The following ITPR1 variants were observed in gnomAD, a reference collection of about 807,000 sequenced individuals.
ITPR1 encodes the protein inositol 1,4,5-trisphosphate-gated calcium channel ITPR1.
Under a neutral mutation model 318.4 loss-of-function variants are expected in ITPR1, and 96 were observed. The observed-to-expected ratio is 0.30, with a 90% CI of 0.26 to 0.36. ITPR1 has a LOEUF of 0.36. Ranked by LOEUF, ITPR1 falls within the 10% of genes least tolerant of loss-of-function variation. ITPR1 has a pLI of 1.00. For synonymous variants in ITPR1, 1,312 were observed against 1,289.9 expected, an observed-to-expected ratio of 1.02 and a Z score of -0.37; for missense variants, 2,440 against 3,460.2, an observed-to-expected ratio of 0.71 and a Z score of 7.40.
intron 4 of ITPR1, among the ~76,000 whole-genome samples, chr3:4,583,867 T>G (rs963849704): frequency 7.9e-5 from 12 of 152,206 alleles, no homozygotes; most frequent in African/African-American, 2.4e-4. Context: ...ACTAATGAGA[T>G]GTTTACACAT....
Position 4,667,357 on chromosome 3 carries a change from T to G in ITPR1, c.1714-20T>G, listed in dbSNP as rs762348570. 7 of 1,575,716 alleles carry G rather than the reference T, an allele frequency of 4.4e-6. No individual in the cohort carries two copies. The African/African-American group carries it at 9.5e-5, about 21-fold the overall frequency. On this transcript the variant is annotated intron_variant, in intron 17 of 61. Coordinates refer to ENST00000649015, the MANE Select transcript of ITPR1 (RefSeq NM_001378452.1). ...GTCATTTATCCTTCCTACTGACGTC[T>G]CTTTTCTCTCCTTATAAAGGAGTAT...
At position 4,667,559 on chromosome 3, in the gene ITPR1, G is replaced by A. The variant is rs2093977045; in HGVS notation, c.1886+10G>A. ...AGAACAGGGAGCCCAGGTGAGGCGG[G>A]AGTGGGGTCCATGCAGGATGGTGTC... On this transcript the variant is annotated intron_variant, in intron 18 of 61. Coordinates refer to ENST00000649015, the MANE Select transcript of ITPR1 (RefSeq NM_001378452.1). 2 of 1,610,694 alleles carry A rather than the reference G, an allele frequency of 1.2e-6. No homozygotes were observed. Among genetic ancestry groups the A allele is most frequent in the African/African-American group, 1.3e-5 (1 of 74,852 alleles).
intron 5 of ITPR1, among the ~76,000 whole-genome samples, chr3:4,636,634 T>G (rs1464310105): frequency 2.0e-5 from 3 of 152,062 alleles, no homozygotes; most frequent in East Asian, 1.9e-4. Flanking sequence ...TCACCATGTT[T>G]GCCAGACTGG....
At chr3:4,688,661 G>A in intron 31 of ITPR1, 41 bp downstream of exon 31, 1 of 1,589,580 alleles carries the variant, frequency 6.3e-7, no homozygotes. Context: ...AGAGGGAGGA[G>A]GGCAGGGAAG....
At position 4,795,106 on chromosome 3, in the gene ITPR1, T is replaced by G; in HGVS notation, c.6850T>G (p.Trp2284Gly). 1 of 1,613,910 alleles carries G rather than the reference T, an allele frequency of 6.2e-7. No individual in the cohort carries two copies. The highest frequency in any genetic ancestry group is 8.5e-7 in the Non-Finnish European group (1 of 1,179,834). The change falls in exon 53 of 62, where the codon TGG becomes GGG. Residue 2284 changes from tryptophan to glycine, a missense_variant. Physicochemically the swap from Trp to Gly is radical, Grantham distance 184 (BLOSUM62 -2). Transcript: ENST00000649015. ...CTGGTGTGCCCGCAACATGTCTTTC[T>G]GGAGCAGCATTTCGTTTAACCTGGC... Reference protein sequence around the residue: ...LYWCARNMSFWSSISFNLAVL... With the variant: ...LYWCARNMSFGSSISFNLAVL...
intron 2 of ITPR1, among the ~76,000 whole-genome samples, chr3:4,505,808 A>G (rs1272945378): frequency 6.6e-6 from 1 of 152,158 alleles, no homozygotes; most frequent in Non-Finnish European, 1.5e-5. Context: ...TTTATTAGGA[A>G]TAGTGGGGAA....
In ITPR1 at chr3:4,814,531, T is replaced by C. The variant is rs1315666057; in HGVS notation, c.7670T>C (p.Val2557Ala). ...LSHGLRSGGG[V>A]GDVLRKPSKE... The stretch of plus-strand genomic sequence containing the variant: ...CACGGGCTGCGGAGCGGGGGTGGAG[T>C]AGGAGATGTACTCAGGAAGCCGTCC... Residue 2557 changes from valine (V) to alanine (A), a missense_variant, in exon 58 of 62, where the codon GTA becomes GCA. Coordinates refer to ENST00000649015, the MANE Select transcript of ITPR1 (RefSeq NM_001378452.1). 1 of 1,598,614 alleles carries C rather than the reference T, an allele frequency of 6.3e-7. No individual in the cohort carries two copies. Among genetic ancestry groups the C allele is most frequent in the Non-Finnish European group, 8.5e-7 (1 of 1,178,132 alleles).
At chr3:4,598,921 A>AT (rs2091058061) in intron 4 of ITPR1, among the ~76,000 whole-genome samples, 1 of 151,078 alleles carries the variant, frequency 6.6e-6, no homozygotes, top group African/African-American at 2.4e-5. Context: ...CATATCCACT[A>AT]TTTTTCCTCT....
At chr3:4,764,639 G>T (rs891936005) in intron 44 of ITPR1, among the ~76,000 whole-genome samples, 1 of 152,252 alleles carries the variant, frequency 6.6e-6, no homozygotes, top group East Asian at 1.9e-4. Context: ...TCACTGAGCA[G>T]GTGGCATTGG....
chr3:4,546,849 T>A (rs1170706757), intron 4 of ITPR1, among the ~76,000 whole-genome samples: 1 of 151,014 alleles, frequency 6.6e-6, no homozygotes, highest in Non-Finnish European at 1.5e-5. Context: ...AAGTGCTGTG[T>A]GAAGAAGTGT....
chr3:4,814,905 A>G lies in ITPR1; in HGVS notation c.7702-148A>G, dbSNP rs1258538812. Reference sequence around the variant, plus strand: ...AGTCGCAATTGAGACAGGGGACATGAAAAGAGATGCAGTTTTCAGTTTAAA... The same window carrying G: ...AGTCGCAATTGAGACAGGGGACATGGAAAGAGATGCAGTTTTCAGTTTAAA... On this transcript the variant is annotated intron_variant, in intron 58 of 61. Coordinates refer to ENST00000649015, the MANE Select transcript of ITPR1 (RefSeq NM_001378452.1). 4.2e-6 allele frequency: 3 copies of G among 715,532 alleles called. No homozygotes were observed. In the African/African-American group the frequency reaches 5.3e-5, roughly 13 times the overall value. The allele number at this position is 715,532 out of a possible 1,614,324, so 44.3% of individuals were successfully genotyped here.
At chr3:4,599,268 C>T (rs2091088746) in intron 4 of ITPR1, among the ~76,000 whole-genome samples, 1 of 152,178 alleles carries the variant, frequency 6.6e-6, no homozygotes, top group Non-Finnish European at 1.5e-5. Flanking sequence ...TGTTCATGGC[C>T]TTCACTCTCT....
chr3:4,624,580 G>C (rs1246331496), intron 4 of ITPR1, among the ~76,000 whole-genome samples: 1 of 142,140 alleles, frequency 7.0e-6, no homozygotes, highest in Non-Finnish European at 1.5e-5. Context: ...TAAGGCAGAA[G>C]AATCACTTGA....
At chr3:4,683,929 A>G (rs1052840909) in intron 28 of ITPR1, 131 bp downstream of exon 28, 21 of 786,352 alleles carry the variant, frequency 2.7e-5, no homozygotes, top group Non-Finnish European at 4.0e-5. Context: ...TAAGTCACCA[A>G]GATCACAAGC....
At chr3:4,803,661 G>C (rs2048379052) in intron 54 of ITPR1, among the ~76,000 whole-genome samples, 1 of 152,120 alleles carries the variant, frequency 6.6e-6, no homozygotes, top group Non-Finnish European at 1.5e-5. Flanking sequence ...CAACTAGGTA[G>C]AAAAAATGTT....
intron 4 of ITPR1, among the ~76,000 whole-genome samples, chr3:4,524,307 T>G (rs1323820734): frequency 6.7e-6 from 1 of 149,320 alleles, no homozygotes; most frequent in Admixed American, 6.7e-5. Context: ...TGACGTTTTT[T>G]TTTTTTTTTT....
At chr3:4,611,031 C>CTCCA (rs2092071831) in intron 4 of ITPR1, among the ~76,000 whole-genome samples, 1 of 55,786 alleles carries the variant, frequency 1.8e-5, no homozygotes, top group Non-Finnish European at 3.7e-5. Context: ...CCCTTCCTCC[C>CTCCA]TCCCTCCCTC....
At chr3:4,785,169 G>A (rs1267471723) in intron 51 of ITPR1, among the ~76,000 whole-genome samples, 2 of 152,230 alleles carry the variant, frequency 1.3e-5, no homozygotes, top group African/African-American at 4.8e-5. Flanking sequence ...TCTCCATTTT[G>A]CAAATGGGGA....
intron 57 of ITPR1, 31 bp downstream of exon 57, chr3:4,813,265 A>G (rs2049057730): frequency 6.8e-7 from 1 of 1,470,878 alleles, no homozygotes; most frequent in Non-Finnish European, 9.4e-7. Context: ...GCCCCATGTT[A>G]ATATCGGACT....
Sources: allele counts gnomAD v4.1 joint callset (sites outside exome capture counted in the v4.1 genomes callset), GRCh38; gene constraint gnomAD v4.1.1; transcripts MANE v1.5; gene names NCBI Gene and HGNC (gene_info 2026-07-23, HGNC 2026-07-21).